The following SLC35F1 variants were observed in gnomAD, a reference collection of about 807,000 sequenced individuals.
SLC35F1 encodes the protein solute carrier family 35 member F1.
SLC35F1 carries 14 observed loss-of-function variants against 48.7 expected under a neutral mutation model. The ratio of observed to expected loss-of-function variants is 0.29; its 90% CI spans 0.19 to 0.45. The LOEUF (loss-of-function observed/expected upper bound fraction) is 0.45. SLC35F1 is among the 20% of genes least tolerant of loss of function. SLC35F1 has a pLI of 1.00. For missense variants in SLC35F1, 404 were observed against 500.0 expected, an observed-to-expected ratio of 0.81 and a Z score of 1.83; for synonymous variants, 190 against 202.2, an observed-to-expected ratio of 0.94 and a Z score of 0.51.
chr6:118,164,579 G>A (rs205953), intron 2 of SLC35F1, among the ~76,000 whole-genome samples: 4,540 of 152,198 alleles, frequency 0.03, 119 homozygotes, highest in African/African-American at 0.06. Flanking sequence ...AGTTTCATGT[G>A]GGTTAAGATG....
intron 3 of SLC35F1, among the ~76,000 whole-genome samples, chr6:118,237,926 A>G (rs1352513659): frequency 6.6e-6 from 1 of 152,218 alleles, no homozygotes; most frequent in Non-Finnish European, 1.5e-5. Context: ...TTATGGAAAT[A>G]AAAATTATTG....
chr6:117,932,076 G>T (rs1438072747), intron 1 of SLC35F1, among the ~76,000 whole-genome samples: 1 of 152,074 alleles, frequency 6.6e-6, no homozygotes, highest in Non-Finnish European at 1.5e-5. Context: ...AGAGCTGCTT[G>T]GTCCTTCCAT....
At chr6:118,079,540 AG>A (rs1772874448) in intron 1 of SLC35F1, among the ~76,000 whole-genome samples, 1 of 152,158 alleles carries the variant, frequency 6.6e-6, no homozygotes, top group South Asian at 2.1e-4. Flanking sequence ...ATTGCTGGAT[AG>A]GGGCTCACTT....
rs111476962 is a variant in SLC35F1, at chr6:118,189,325, C to G, written c.349+34705C>G. Among the ~76,000 whole-genome samples, 854 of 152,250 alleles carry G rather than the reference C, an allele frequency of 5.6e-3. 2 individuals carry two copies. Among genetic ancestry groups the G allele is most frequent in the Middle Eastern group, 0.034 (10 of 294 alleles). ...CCATTCTAACAGGTGTGAGTAATATCACACTGTAGTTTGATTTGCATTTTC... is the reference window on the plus strand; with the variant it reads ...CCATTCTAACAGGTGTGAGTAATATGACACTGTAGTTTGATTTGCATTTTC... On this transcript the variant is annotated intron_variant, in intron 2 of 7. Coordinates refer to ENST00000360388, the MANE Select transcript of SLC35F1 (RefSeq NM_001029858.4).
At chr6:118,259,303 T>A (rs1268637628) in intron 3 of SLC35F1, among the ~76,000 whole-genome samples, 1 of 151,932 alleles carries the variant, frequency 6.6e-6, no homozygotes, top group Non-Finnish European at 1.5e-5. Flanking sequence ...AGCCACTAAC[T>A]TTGTGGAGAA....
At chr6:117,967,630 T>G (rs561083999) in intron 1 of SLC35F1, among the ~76,000 whole-genome samples, 2 of 152,330 alleles carry the variant, frequency 1.3e-5, no homozygotes, top group East Asian at 3.9e-4. Flanking sequence ...TTTTGGCAAT[T>G]TCTGAGGGTT....
intron 3 of SLC35F1, among the ~76,000 whole-genome samples, chr6:118,266,356 A>G (rs1775773417): frequency 6.6e-6 from 1 of 151,944 alleles, no homozygotes; most frequent in Admixed American, 6.6e-5. Context: ...ACTCTATTCA[A>G]CTTTCTTTAA....
rs1776447975 is a variant in SLC35F1 at position 118,317,156 on chromosome 6, TCTC to T, written c.*2907_*2909del. On this transcript the variant is annotated 3_prime_UTR_variant, in exon 8 of 8. Coordinates refer to ENST00000360388, the MANE Select transcript of SLC35F1 (RefSeq NM_001029858.4). ...TGATCAGGTAAGAGCGAACCACAAT[TCTC>T]CTGAACCCTGCTAGAGATTAAGTGG... 1 of 152,506 alleles carries T rather than the reference TCTC, an allele frequency of 6.6e-6. No individual in the cohort carries two copies. Among genetic ancestry groups the T allele is most frequent in the African/African-American group, 2.4e-5 (1 of 41,404 alleles). The allele number at this position is 152,506 out of a possible 1,614,324, so 9.4% of individuals were successfully genotyped here.
At chr6:118,140,215 T>C (rs754920000) in intron 1 of SLC35F1, among the ~76,000 whole-genome samples, 2 of 152,156 alleles carry the variant, frequency 1.3e-5, no homozygotes, top group African/African-American at 4.8e-5. Context: ...AATTTTGACA[T>C]AGGATAAAAT....
intron 2 of SLC35F1, among the ~76,000 whole-genome samples, chr6:118,210,910 A>G (rs1774993134): frequency 6.6e-6 from 1 of 152,178 alleles, no homozygotes; most frequent in South Asian, 2.1e-4. Flanking sequence ...TTATATGTTA[A>G]AATCCTAACA....
chr6:118,107,813 G>A (rs1248407201), intron 1 of SLC35F1, among the ~76,000 whole-genome samples: 1 of 152,030 alleles, frequency 6.6e-6, no homozygotes, highest in African/African-American at 2.4e-5. Flanking sequence ...ACAATAGTAT[G>A]AATGGTGTTA....
intron 1 of SLC35F1, among the ~76,000 whole-genome samples, chr6:118,099,466 CT>C (rs1175174462): frequency 6.6e-6 from 1 of 151,898 alleles, no homozygotes; most frequent in East Asian, 1.9e-4. Flanking sequence ...CTCCCCACTC[CT>C]TCTCCTCCTC....
intron 1 of SLC35F1, among the ~76,000 whole-genome samples, chr6:118,109,413 C>G (rs558836339): frequency 3.3e-5 from 5 of 152,164 alleles, no homozygotes; most frequent in African/African-American, 1.2e-4. Flanking sequence ...TGCCTTTATT[C>G]TTTCCCATGC....
intron 2 of SLC35F1, among the ~76,000 whole-genome samples, chr6:118,231,237 A>G (rs1775289270): frequency 1.3e-5 from 2 of 152,202 alleles, no homozygotes; most frequent in South Asian, 4.1e-4. Flanking sequence ...TAGTAAACAG[A>G]ATGCATTTAA....
intron 1 of SLC35F1, among the ~76,000 whole-genome samples, chr6:118,130,392 C>G (rs1265231647): frequency 6.6e-6 from 1 of 152,152 alleles, no homozygotes; most frequent in African/African-American, 2.4e-5. Context: ...AACTGGTTTA[C>G]TTCGGGAGGC....
intron 7 of SLC35F1, among the ~76,000 whole-genome samples, chr6:118,307,821 C>T (rs974089150): frequency 6.6e-6 from 1 of 152,176 alleles, no homozygotes; most frequent in Non-Finnish European, 1.5e-5. Flanking sequence ...CCGTTACAGG[C>T]CACAGCTTAC....
chr6:117,985,827 A>C (rs936229095), intron 1 of SLC35F1, among the ~76,000 whole-genome samples: 1 of 152,228 alleles, frequency 6.6e-6, no homozygotes, highest in African/African-American at 2.4e-5. Flanking sequence ...CTTAAGTTGG[A>C]TATCTGTCTT....
chr6:118,086,548 CTG>C (rs1009113736), intron 1 of SLC35F1, among the ~76,000 whole-genome samples: 22 of 152,320 alleles, frequency 1.4e-4, no homozygotes, highest in Non-Finnish European at 2.9e-4. Flanking sequence ...CAACAAAAAA[CTG>C]AGGCAGAAGA....
At chr6:118,186,928 T>A (rs1163408975) in intron 2 of SLC35F1, among the ~76,000 whole-genome samples, 1 of 152,180 alleles carries the variant, frequency 6.6e-6, no homozygotes, top group Non-Finnish European at 1.5e-5. Flanking sequence ...GCTGATGTAG[T>A]CATAAATTTT....
Sources: allele counts gnomAD v4.1 joint callset (sites outside exome capture counted in the v4.1 genomes callset), GRCh38; gene constraint gnomAD v4.1.1; transcripts MANE v1.5; gene names NCBI Gene and HGNC (gene_info 2026-07-23, HGNC 2026-07-21).